Variants in ZPBP observed in about 807,000 individuals in gnomAD.
ZPBP encodes the protein zona pellucida binding protein.
A neutral mutation model predicts 44.8 loss-of-function variants in ZPBP; 26 were observed. The observed-to-expected ratio is 0.58, with a 90% CI of 0.43 to 0.81. ZPBP has a LOEUF of 0.81. Among genes scored for constraint, ZPBP ranks in the 30% least tolerant of loss-of-function variants. The pLI is 0.00. For synonymous variants in ZPBP, 174 were observed against 153.2 expected (o/e 1.14, Z -1.00); for missense variants, 409 against 434.0 (o/e 0.94, Z 0.51).
chr7:49,889,551 G>A (rs972906620), intron 2 of ZPBP, among the ~76,000 whole-genome samples: 1 of 152,116 alleles, frequency 6.6e-6, no homozygotes, highest in African/African-American at 2.4e-5. Flanking sequence ...CACCAAGGCT[G>A]GTCAAAGGCG....
intron 1 of ZPBP, among the ~76,000 whole-genome samples, chr7:49,907,685 T>G (rs1490151260): frequency 6.6e-6 from 1 of 152,130 alleles, no homozygotes; most frequent in Non-Finnish European, 1.5e-5. Flanking sequence ...ATACATGTAA[T>G]GTATATATTG....
At chr7:49,854,543 CACTTT>C (rs1790334661) in intron 2 of ZPBP, among the ~76,000 whole-genome samples, 1 of 152,182 alleles carries the variant, frequency 6.6e-6, no homozygotes, top group African/African-American at 2.4e-5. Flanking sequence ...ATCCTTTGCC[CACTTT>C]TTGATGGGGT....
At chr7:50,080,984 C>A (rs1584191602) in intron 3 of ZPBP, among the ~76,000 whole-genome samples, 1 of 151,728 alleles carries the variant, frequency 6.6e-6, no homozygotes, top group Non-Finnish European at 1.5e-5. Flanking sequence ...GAGATTAATT[C>A]TTTAAAATTA....
At chr7:50,081,426 A>T (rs565199784) in intron 3 of ZPBP, among the ~76,000 whole-genome samples, 1 of 151,804 alleles carries the variant, frequency 6.6e-6, no homozygotes, top group East Asian at 1.9e-4. Context: ...AAAAGTAAAA[A>T]GTAAAATCTG....
chr7:49,998,368 G>C (rs1470759057), intron 6 of ZPBP, among the ~76,000 whole-genome samples: 1 of 152,150 alleles, frequency 6.6e-6, no homozygotes, highest in African/African-American at 2.4e-5. Context: ...CACCTGGAAC[G>C]TCTGAAGCCA....
intron 2 of ZPBP, among the ~76,000 whole-genome samples, chr7:49,860,380 A>C (rs1790600800): frequency 6.6e-6 from 1 of 152,146 alleles, no homozygotes; most frequent in East Asian, 1.9e-4. Flanking sequence ...GGCTTATTTC[A>C]CTTACCATAA....
chr7:50,073,110 T>C (rs1021327176), intron 3 of ZPBP, among the ~76,000 whole-genome samples: 7 of 152,086 alleles, frequency 4.6e-5, no homozygotes, highest in Admixed American at 2.0e-4. Flanking sequence ...ATGTGACCTT[T>C]TAGAAAGGCA....
intron 7 of ZPBP, among the ~76,000 whole-genome samples, chr7:49,972,240 C>G (rs545675526): frequency 3.2e-4 from 48 of 151,256 alleles, no homozygotes; most frequent in South Asian, 8.3e-4. Context: ...AAAGTTCTAG[C>G]CAGAGAAATT....
In ZPBP at chr7:50,026,443, GACCCTCC is replaced by G. The variant is rs1562854487; in HGVS notation, c.706+4642_706+4648del. ...CACTAGATCTATACAATATACACAG[GACCCTCC>G]ACCCAACAACAGGAGAATACACATA... On this transcript the variant is annotated intron_variant, in intron 5 of 7. Transcript: ENST00000046087. 3.3e-5 allele frequency among the ~76,000 whole-genome samples: 5 copies of G among 151,658 alleles called. No individual in the cohort carries two copies. In the South Asian group the frequency reaches 1.0e-3, roughly 32 times the overall value.
At chr7:49,923,341 T>C (rs763717746) in intron 1 of ZPBP, among the ~76,000 whole-genome samples, 1 of 152,162 alleles carries the variant, frequency 6.6e-6, no homozygotes, top group Non-Finnish European at 1.5e-5. Flanking sequence ...ATGACAATTG[T>C]GAATGTTTGA....
chr7:50,073,109 T>C (rs1562608446), intron 3 of ZPBP, among the ~76,000 whole-genome samples: 1 of 152,060 alleles, frequency 6.6e-6, no homozygotes. Flanking sequence ...TATGTGACCT[T>C]TTAGAAAGGC....
In ZPBP at chr7:49,979,824, C is replaced by CATAT. The variant is rs56222305; in HGVS notation, c.961+3514_961+3517dup. 3.7e-3 allele frequency among the ~76,000 whole-genome samples: 421 copies of CATAT among 112,388 alleles called. 2 individuals carry two copies. Among genetic ancestry groups the CATAT allele is most frequent in the South Asian group, 0.013 (51 of 3,908 alleles). The allele number at this position is 112,388 out of a possible 152,430, so 73.7% of individuals were successfully genotyped here. ...TCCTTATCTGTGTTCTGGAGTTATA[C>CATAT]ATATATATATATATATATATATAAA... On this transcript the variant is annotated intron_variant, in intron 7 of 7. Transcript: ENST00000046087.
intron 1 of ZPBP, chr7:49,901,292 T>A (rs1792709541): frequency 6.6e-6 from 1 of 151,948 alleles, no homozygotes; most frequent in East Asian, 1.9e-4. Flanking sequence ...TGTTTGCAGA[T>A]GACATGATGG....
chr7:50,060,245 A>G (rs1465856142), intron 3 of ZPBP, among the ~76,000 whole-genome samples: 1 of 151,016 alleles, frequency 6.6e-6, no homozygotes, highest in Non-Finnish European at 1.5e-5. Flanking sequence ...AACCCAGAGC[A>G]TTTGCCATGG....
downstream of ZPBP, among the ~76,000 whole-genome samples, chr7:49,849,764 G>C (rs1415038636): frequency 1.3e-5 from 2 of 152,200 alleles, no homozygotes; most frequent in African/African-American, 2.4e-5. Flanking sequence ...TCTGCTCTCT[G>C]AGAGTCTGAC....
intron 4 of ZPBP, among the ~76,000 whole-genome samples, chr7:50,043,144 T>C (rs1800177221): frequency 6.6e-6 from 1 of 152,214 alleles, no homozygotes; most frequent in Admixed American, 6.5e-5. Context: ...TTCAGATAAC[T>C]AGCCAGAGCC....
At chr7:49,997,563 G>A (rs888982169) in intron 6 of ZPBP, among the ~76,000 whole-genome samples, 1 of 152,184 alleles carries the variant, frequency 6.6e-6, no homozygotes, top group African/African-American at 2.4e-5. Flanking sequence ...TAGAAGTAAA[G>A]GGAGGTATTA....
chr7:50,014,405 C>T (rs748703385), intron 6 of ZPBP, among the ~76,000 whole-genome samples: 12 of 149,556 alleles, frequency 8.0e-5, no homozygotes, highest in South Asian at 2.1e-4. Flanking sequence ...AAGAGTGGAA[C>T]GAAAATGGTA....
At chr7:49,848,753 A>G (rs1280506397), downstream of ZPBP, among the ~76,000 whole-genome samples, 1 of 152,198 alleles carries the variant, frequency 6.6e-6, no homozygotes, top group Admixed American at 6.5e-5. Context: ...GGTTAATAAT[A>G]TAAGTGGATA....
Sources: allele counts gnomAD v4.1 joint callset (sites outside exome capture counted in the v4.1 genomes callset), GRCh38; gene constraint gnomAD v4.1.1; transcripts MANE v1.5; gene names NCBI Gene and HGNC (gene_info 2026-07-23, HGNC 2026-07-21).